Variants in PLA2G3 observed in about 807,000 individuals in gnomAD.
The protein encoded by PLA2G3 is group 3 secretory phospholipase A2.
A neutral mutation model predicts 51.3 loss-of-function variants in PLA2G3; 39 were observed. That is an observed-to-expected ratio of 0.76 (90% CI 0.59 to 0.99). The LOEUF is 0.99. Ranked by LOEUF, PLA2G3 falls within the 50% of genes least tolerant of loss-of-function variation. The pLI is 0.00. For synonymous variants in PLA2G3, 293 were observed against 263.1 expected (o/e 1.11, Z -1.10); for missense variants, 677 against 662.1 (o/e 1.02, Z -0.25).
intron 6 of PLA2G3, 126 bp from the exon 7 acceptor site, chr22:31,136,062 G>A: frequency 1.3e-6 from 1 of 744,124 alleles, no homozygotes; most frequent in Admixed American, 2.6e-5. Context: ...AGGCAGAGAG[G>A]GGTGGGTTTC....
chr22:31,137,698 T>G lies in PLA2G3; in HGVS notation c.1066+12A>C. ...CATGTCAGGAACCCCCAAGGTTAGG[T>G]TCTGAGCTCACCCTGAGGTTTTAGG... On this transcript the variant is annotated intron_variant, in intron 4 of 6. Coordinates refer to ENST00000215885, the MANE Select transcript of PLA2G3 (RefSeq NM_015715.5). 2 of 1,588,936 alleles carry G rather than the reference T, an allele frequency of 1.3e-6. 1 individual carries two copies. Among genetic ancestry groups the G allele is most frequent in the South Asian group, 2.3e-5 (2 of 86,182 alleles).
At position 31,136,663 on chromosome 22, in the gene PLA2G3, C is replaced by T. The variant is rs116890226; in HGVS notation, c.1316+20G>A. The T allele has an allele frequency of 7.3e-3, 11,638 of 1,601,474 alleles. 57 individuals carry two copies. The highest frequency in any genetic ancestry group is 9.6e-3 in the Middle Eastern group (58 of 6,030). On this transcript the variant is annotated intron_variant, in intron 6 of 6. Transcript: ENST00000215885. ...CCTTTGAGAAAACCCCCCATCCCTC[C>T]TGGCTCTGACATCACTTACTTTTTG...
chr22:31,135,793 T>C lies in PLA2G3; in HGVS notation c.1460A>G (p.Tyr487Cys), dbSNP rs773246460. 6.2e-7 allele frequency: 1 copy of C among 1,614,048 alleles called. No homozygotes were observed. Among genetic ancestry groups the C allele is most frequent in the Non-Finnish European group, 8.5e-7 (1 of 1,180,030 alleles). Reference sequence around the variant, plus strand: ...CTGGGTTAGCTGCAGGCACTGGTTGTAGAATGACATGGGGCCTCTCAGGGG... The same window carrying C: ...CTGGGTTAGCTGCAGGCACTGGTTGCAGAATGACATGGGGCCTCTCAGGGG... ...SEPLRGPMSFYNQCLQLTQAA... is the reference protein window; with the variant it reads ...SEPLRGPMSFCNQCLQLTQAA... Residue 487 changes from tyrosine (Y) to cysteine (C), a missense_variant, in exon 7 of 7, where the codon TAC becomes TGC. Transcript: ENST00000215885.
At chr22:31,138,105 G>T in intron 3 of PLA2G3, 112 bp from the exon 4 acceptor site, 2 of 1,354,048 alleles carry the variant, frequency 1.5e-6, no homozygotes, top group Non-Finnish European at 9.9e-7. Flanking sequence ...CCATCCCGCT[G>T]GGTTGTGGGG....
At chr22:31,138,961 G>A (rs919448362) in intron 1 of PLA2G3, among the ~76,000 whole-genome samples, 162 bp from the exon 2 acceptor site, 1 of 152,132 alleles carries the variant, frequency 6.6e-6, no homozygotes, top group African/African-American at 2.4e-5. Flanking sequence ...CCTTCTGTGG[G>A]ACTCTCAGAG....
Position 31,139,949 on chromosome 22 carries a change from G to A in PLA2G3, c.406C>T (p.Gln136Ter). 6.2e-7 allele frequency: 1 copy of A among 1,613,920 alleles called. No individual in the cohort carries two copies. Among genetic ancestry groups the A allele is most frequent in the East Asian group, 2.2e-5 (1 of 44,866 alleles). Residue 136 changes from glutamine (Q) to a stop codon, truncating the protein, a stop_gained, in exon 1 of 7, where the codon CAG becomes TAG. Transcript: ENST00000215885. LOFTEE classifies it high-confidence loss of function. ...TGCCCTCCACCAGGGACTCCACTCT[G>A]CCCTGCTGCTCGCTTCTTCCTGGCC... is the stretch of plus-strand genomic sequence containing the variant. ...AGARKKRAAGQSGVPGGGHQR... is the reference protein window; with the variant it reads ...AGARKKRAAG
rs1443154004 is a variant in PLA2G3, at chr22:31,136,996, ACTGGT to A, written c.1106_1110del (p.Asp369ValfsTer2). ...TCCCGGGGCCCAATCTGGTGCTCAC[ACTGGT>A]CCAGGTGGCGGCGGAAGCTGCGGCA... On this transcript the variant is annotated frameshift_variant, in exon 5 of 7. Coordinates refer to ENST00000215885, the MANE Select transcript of PLA2G3 (RefSeq NM_015715.5). LOFTEE classifies it high-confidence loss of function. 1 of 1,564,794 alleles carries A rather than the reference ACTGGT, an allele frequency of 6.4e-7. No individual in the cohort carries two copies. Among genetic ancestry groups the A allele is most frequent in the Admixed American group, 1.9e-5 (1 of 51,462 alleles).
intron 6 of PLA2G3, 76 bp from the exon 7 acceptor site, chr22:31,136,012 G>T: frequency 1.6e-6 from 2 of 1,245,378 alleles, no homozygotes; most frequent in Non-Finnish European, 2.3e-6. Context: ...AGTGGGCTGA[G>T]GCCCAGAGAG....
chr22:31,135,922 G>A lies in PLA2G3; in HGVS notation c.1331C>T (p.Pro444Leu). 1 of 1,613,446 alleles carries A rather than the reference G, an allele frequency of 6.2e-7. No individual in the cohort carries two copies. Among genetic ancestry groups the A allele is most frequent in the Non-Finnish European group, 8.5e-7 (1 of 1,179,942 alleles). ...CVEGKNCSRD[P>L]RAIRVSARHL... is the part of the protein sequence containing the mutation. Reference sequence around the variant, plus strand: ...CCGGGCTGACACCCTGATGGCCCTAGGGTCTCTGGAACAGCTGTAAGGAGA... The same window carrying A: ...CCGGGCTGACACCCTGATGGCCCTAAGGTCTCTGGAACAGCTGTAAGGAGA... Residue 444 changes from proline (P) to leucine (L), a missense_variant, in exon 7 of 7, where the codon CCT becomes CTT. Transcript: ENST00000215885.
At chr22:31,136,850 C>T (rs761936494) in intron 5 of PLA2G3, 51 bp from the exon 6 acceptor site, 13 of 1,601,014 alleles carry the variant, frequency 8.1e-6, no homozygotes, top group Non-Finnish European at 9.4e-6. Context: ...CAGCCAGGGG[C>T]CCCTTCCCAT....
At chr22:31,136,509 C>T (rs1922569568) in intron 6 of PLA2G3, among the ~76,000 whole-genome samples, 174 bp downstream of exon 6, 1 of 152,156 alleles carries the variant, frequency 6.6e-6, no homozygotes, top group Admixed American at 6.5e-5. Flanking sequence ...CCCATAGAGG[C>T]CAACTGCAGA....
chr22:31,139,286 A>C lies in PLA2G3; in HGVS notation c.515-487T>G, dbSNP rs146207200. On this transcript the variant is annotated intron_variant, in intron 1 of 6. Transcript: ENST00000215885. ...CACAGACATCTGTACTGATAGTGCA[A>C]GAAATTCATCTATGTTTATTACCAT... Among the ~76,000 whole-genome samples the C allele has an allele frequency of 9.1e-3, 1,391 of 152,310 alleles. 10 individuals carry two copies. Among genetic ancestry groups the C allele is most frequent in the South Asian group, 0.017 (84 of 4,832 alleles).
chr22:31,136,754 G>A lies in PLA2G3; in HGVS notation c.1245C>T (p.Asn415=), dbSNP rs1333823661. 10 of 1,613,510 alleles carry A rather than the reference G, an allele frequency of 6.2e-6. No individual in the cohort carries two copies. Among genetic ancestry groups the A allele is most frequent in the Non-Finnish European group, 8.5e-6 (10 of 1,179,862 alleles). Residue 415 remains asparagine, a synonymous_variant, in exon 6 of 7, where the codon AAC becomes AAT. Coordinates refer to ENST00000215885, the MANE Select transcript of PLA2G3 (RefSeq NM_015715.5). ...TTGTGCCCAGCAGCTCCCAAAGCATGTTGGTAACCTCGGGTGGGCTGTGGA... is the reference window on the plus strand; with the variant it reads ...TTGTGCCCAGCAGCTCCCAAAGCATATTGGTAACCTCGGGTGGGCTGTGGA... ...LRLHSPPEVT[N]MLWELLGTTC...
chr22:31,135,853 T>A lies in PLA2G3; in HGVS notation c.1400A>T (p.Lys467Ile). ...CCATGGCTGCCTCTCATCTGTGCCT[T>A]TATCCTGGAGCTGGTGTCGCCTCTG... ...LQQRRHQLQD[K>I]GTDERQPWPS... The change falls in exon 7 of 7, where the codon AAA becomes ATA. Residue 467 changes from lysine (K) to isoleucine (I), a missense_variant. Physicochemically the swap from Lys to Ile is moderately radical, Grantham distance 102. Transcript: ENST00000215885. 1 of 1,613,946 alleles carries A rather than the reference T, an allele frequency of 6.2e-7. No individual in the cohort carries two copies. The highest frequency in any genetic ancestry group is 1.1e-5 in the South Asian group (1 of 91,084).
chr22:31,134,968 G>GT lies in PLA2G3; in HGVS notation c.*754_*755insA, dbSNP rs1340697225. On this transcript the variant is annotated 3_prime_UTR_variant, in exon 7 of 7. Transcript: ENST00000215885. Reference sequence around the variant, plus strand: ...ATAGTTCAGCTAGGTGTCGCAGGGGGGAATACTTATTAAGTGCTAAGCACT... The same window carrying GT: ...ATAGTTCAGCTAGGTGTCGCAGGGGGTGAATACTTATTAAGTGCTAAGCACT... 1 of 153,252 alleles carries GT rather than the reference G, an allele frequency of 6.5e-6. No homozygotes were observed. Among genetic ancestry groups the GT allele is most frequent in the Non-Finnish European group, 1.5e-5 (1 of 68,914 alleles). 9.5% of individuals were successfully genotyped at this position (153,252 alleles called of 1,614,324 possible).
rs1922611547 is a variant in PLA2G3 at position 31,137,005 on chromosome 22, G to C, written c.1102C>G (p.Leu368Val). The part of the protein sequence containing the change: ...RWVCRSFRRH[L>V]DQCEHQIGPR... The stretch of plus-strand genomic sequence containing the variant: ...CCAATCTGGTGCTCACACTGGTCCA[G>C]GTGGCGGCGGAAGCTGCGGCAGACC... The change falls in exon 5 of 7, where the codon CTG (leucine) becomes GTG (valine). Residue 368 changes from leucine to valine, a missense_variant. Leu to Val is a conservative substitution (Grantham distance 32). Transcript: ENST00000215885. 6.4e-7 allele frequency: 1 copy of C among 1,555,916 alleles called. No homozygotes were observed.
chr22:31,135,468 G>T lies in PLA2G3; in HGVS notation c.*255C>A. The T allele has an allele frequency of 1.9e-6, 1 of 533,044 alleles. No homozygotes were observed. Among genetic ancestry groups the T allele is most frequent in the Non-Finnish European group, 3.4e-6 (1 of 297,294 alleles). 33.0% of individuals were successfully genotyped at this position (533,044 alleles called of 1,614,324 possible). ...TTCCCTGGCAAGGCCAAAGCCCAGGGCATCAGAATGAGCTTCCTGAACACC... is the reference window on the plus strand; with the variant it reads ...TTCCCTGGCAAGGCCAAAGCCCAGGTCATCAGAATGAGCTTCCTGAACACC... On this transcript the variant is annotated 3_prime_UTR_variant, in exon 7 of 7. Transcript: ENST00000215885.
rs199793977 is a variant in PLA2G3, at chr22:31,136,908, C to T, written c.1199G>A (p.Arg400His). 400 of 1,608,740 alleles carry T rather than the reference C, an allele frequency of 2.5e-4. 2 individuals carry two copies. The highest frequency in any genetic ancestry group is 1.9e-4 in the Non-Finnish European group (222 of 1,178,162). Residue 400 changes from arginine (R) to histidine (H), a missense_variant and splice_region_variant, in exon 5 of 7, where the codon CGT becomes CAT. Arg to His is a conservative substitution (Grantham distance 29). Transcript: ENST00000215885. ...CCGCGAGGGTTCAAAGGGGCCTCAC[C>T]GGCGCGTGCAGTTGCAGTGGAAGAG... ...EPLFHCNCTR[R>H]LARFLRLHSP...
chr22:31,136,563 T>C (rs1216606371), intron 6 of PLA2G3, 120 bp downstream of exon 6: 7 of 771,010 alleles, frequency 9.1e-6, no homozygotes, highest in Non-Finnish European at 1.5e-5. Context: ...AGGCTATGGA[T>C]AGGAGCTCAG....
Sources: gnomAD v4.1 joint callset for allele counts (sites outside exome capture counted in the v4.1 genomes callset) on GRCh38, gnomAD v4.1.1 for gene constraint, MANE v1.5 for transcripts, NCBI Gene and HGNC (gene_info 2026-07-23, HGNC 2026-07-21) for gene names.